KLHL13: variants seen among roughly 807,000 people sequenced by gnomAD.
The protein encoded by KLHL13 is kelch-like protein 13.
Under a neutral mutation model 37.1 loss-of-function variants are expected in KLHL13, and 10 were observed. That is an observed-to-expected ratio of 0.27 (90% confidence interval 0.17 to 0.46). KLHL13 has a LOEUF of 0.46. Among genes scored for constraint, KLHL13 ranks in the 20% least tolerant of loss-of-function variants. The pLI is 1.00. For synonymous variants in KLHL13, 163 were observed against 181.2 expected (o/e 0.90, Z 0.81); for missense variants, 360 against 509.3 (o/e 0.71, Z 2.82).
At chrX:118,039,317 G>A (rs951373332) in intron 1 of KLHL13, among the ~76,000 whole-genome samples, 1 of 111,995 alleles carries the variant, frequency 8.9e-6, no homozygotes, top group Non-Finnish European at 1.9e-5. Context: ...ACTCCTGGAC[G>A]GTATTTCTGG....
At chrX:118,032,898 G>A (rs181242227) in intron 1 of KLHL13, among the ~76,000 whole-genome samples, 5,851 of 111,331 alleles carry the variant, frequency 0.053, 391 homozygotes, top group African/African-American at 0.18. Flanking sequence ...GTGCTTAAAG[G>A]AGCTGATGGA....
At chrX:118,072,523 T>C (rs1427383666) in intron 1 of KLHL13, among the ~76,000 whole-genome samples, 2 of 110,840 alleles carry the variant, frequency 1.8e-5, no homozygotes, top group African/African-American at 3.3e-5. Context: ...CAAAAGAAAC[T>C]ACCATCAGAG....
intron 1 of KLHL13, among the ~76,000 whole-genome samples, chrX:118,095,352 A>G (rs1194316733): frequency 9.0e-6 from 1 of 111,556 alleles, no homozygotes; most frequent in Non-Finnish European, 1.9e-5. Context: ...TCTCCTAAAT[A>G]TATATGCACC....
chrX:117,985,642 G>A (rs1332420923), intron 1 of KLHL13, among the ~76,000 whole-genome samples: 6 of 109,727 alleles, frequency 5.5e-5, no homozygotes, highest in Non-Finnish European at 1.1e-4. Context: ...GGTGGAGTGA[G>A]ACAAATACTA....
At chrX:117,962,782 T>C (rs1263971605) in intron 1 of KLHL13, among the ~76,000 whole-genome samples, 1 of 111,982 alleles carries the variant, frequency 8.9e-6, no homozygotes, top group Admixed American at 9.5e-5. Flanking sequence ...TTGGAGAAAT[T>C]ACAAGCTTTG....
At position 117,984,658 on chromosome X, in the gene KLHL13, T is replaced by C. The variant is rs368971389; in HGVS notation, c.-55-39083A>G. Among the ~76,000 whole-genome samples the C allele has an allele frequency of 2.7e-5, 3 of 111,632 alleles. No homozygotes were observed. The South Asian group carries it at 1.1e-3, about 42-fold the overall frequency. The stretch of plus-strand genomic sequence containing the variant: ...CCTTAATGACAGTACTATTTGAAAG[T>C]ATACTTTTAAAATGCTATACACATA... On this transcript the variant is annotated intron_variant, in intron 1 of 6. Transcript: ENST00000371882.
intron 2 of KLHL13, among the ~76,000 whole-genome samples, chrX:117,930,290 A>AAGGAAGGCAGGCAGGC (rs1556301121): frequency 3.2e-4 from 25 of 77,960 alleles, no homozygotes; most frequent in African/African-American, 5.2e-4. Context: ...GGAAGGAAGG[A>AAGGAAGGCAGGCAGGC]AGGCAGGCAG....
intron 2 of KLHL13, among the ~76,000 whole-genome samples, chrX:117,930,242 G>GGAAGGAAGGAAGGA (rs1932345542): frequency 3.2e-5 from 2 of 63,022 alleles, no homozygotes; most frequent in African/African-American, 1.6e-4. Context: ...GGAAGGAAGG[G>GGAAGGAAGGAAGGA]AGGAAGGAAG....
chrX:118,065,772 C>T (rs2054787683), intron 1 of KLHL13, among the ~76,000 whole-genome samples: 2 of 111,631 alleles, frequency 1.8e-5, no homozygotes, highest in South Asian at 7.5e-4. Flanking sequence ...GTTTCTGCTA[C>T]ATAGAAGTAA....
chrX:117,932,627 C>A (rs1388130964), intron 2 of KLHL13, among the ~76,000 whole-genome samples: 1 of 111,520 alleles, frequency 9.0e-6, no homozygotes, highest in African/African-American at 3.3e-5. Context: ...TGTAGACAAG[C>A]ATTTAGTTTA....
chrX:118,049,176 C>T (rs887077601), intron 1 of KLHL13, among the ~76,000 whole-genome samples: 5 of 111,464 alleles, frequency 4.5e-5, no homozygotes, highest in African/African-American at 1.6e-4. Context: ...TAAACTGATG[C>T]TATATAAAAG....
chrX:118,107,560 T>C (rs889420000), intron 1 of KLHL13, among the ~76,000 whole-genome samples: 1 of 112,265 alleles, frequency 8.9e-6, no homozygotes, highest in Admixed American at 9.5e-5. Flanking sequence ...TTATATTTCA[T>C]ATGTGGCTTA....
chrX:117,930,468 C>G (rs1200901773), intron 2 of KLHL13, among the ~76,000 whole-genome samples: 2 of 111,619 alleles, frequency 1.8e-5, no homozygotes, highest in Non-Finnish European at 3.8e-5. Flanking sequence ...AATGCCAGAT[C>G]AATAATTAAT....
exon 7 of KLHL13, chrX:117,898,580 GTTTACTAA>G (rs1382062451): frequency 5.9e-6 from 1 of 169,419 alleles, no homozygotes; most frequent in Non-Finnish European, 1.1e-5. Flanking sequence ...GGCTTATTGG[GTTTACTAA>G]TGTAAGATGA....
At chrX:118,100,304 C>T (rs756571098) in intron 1 of KLHL13, among the ~76,000 whole-genome samples, 2 of 111,619 alleles carry the variant, frequency 1.8e-5, no homozygotes, top group South Asian at 7.6e-4. Flanking sequence ...CTACCACGTT[C>T]TCAGTTACTT....
rs148474070 is a variant in KLHL13 at position 117,941,827 on chromosome X, A to G, written c.240+3607T>C. Among the ~76,000 whole-genome samples, 948 of 110,497 alleles carry G rather than the reference A, an allele frequency of 8.6e-3. 8 individuals are homozygous for G. Among genetic ancestry groups the G allele is most frequent in the African/African-American group, 0.03 (913 of 30,408 alleles). On this transcript the variant is annotated intron_variant, in intron 2 of 6. Transcript: ENST00000262820. ...ATATTGAAGTGTTCCTCGTGTCTCTATCTCCTTCAGTTCTACTCTGATCTT... is the reference window on the plus strand; with the variant it reads ...ATATTGAAGTGTTCCTCGTGTCTCTGTCTCCTTCAGTTCTACTCTGATCTT...
chrX:118,035,606 G>C (rs1385278201), intron 1 of KLHL13, among the ~76,000 whole-genome samples: 2 of 109,550 alleles, frequency 1.8e-5, no homozygotes, highest in African/African-American at 6.9e-5. Flanking sequence ...AATAATAAGA[G>C]CTATCTATGA....
chrX:118,019,394 C>G (rs923085086), intron 1 of KLHL13, among the ~76,000 whole-genome samples: 136 of 109,685 alleles, frequency 1.2e-3, no homozygotes, highest in Non-Finnish European at 2.1e-3. Context: ...GGATATTAGC[C>G]CTTTGTCAGA....
intron 1 of KLHL13, 106 bp from the exon 2 acceptor site, chrX:118,028,603 A>G: frequency 2.5e-6 from 1 of 406,794 alleles, no homozygotes; most frequent in Non-Finnish European, 4.3e-6. Context: ...GAATTAAAGG[A>G]AAAATGTATG....
Sources: allele counts gnomAD v4.1 joint callset (sites outside exome capture counted in the v4.1 genomes callset), GRCh38; gene constraint gnomAD v4.1.1; transcripts MANE v1.5; gene names NCBI Gene and HGNC (gene_info 2026-07-23, HGNC 2026-07-21).